TANC1: variants seen among roughly 807,000 people sequenced by gnomAD.
TANC1 encodes the protein tetratricopeptide repeat, ankyrin repeat and coiled-coil containing 1, also known as protein TANC1.
A neutral mutation model predicts 149.7 loss-of-function variants in TANC1; 77 were observed. The ratio of observed to expected loss-of-function variants is 0.51; its 90% CI spans 0.43 to 0.62. The LOEUF (loss-of-function observed/expected upper bound fraction) is 0.62, where lower values mean the gene tolerates loss of function less well. Among genes scored for constraint, TANC1 ranks in the 20% least tolerant of loss-of-function variants. The probability of loss-of-function intolerance (pLI) is 0.00; values close to 1 mark genes in which losing one functional copy is unlikely to be tolerated. For missense variants in TANC1, 1,985 were observed against 2,321.8 expected (o/e 0.85, Z 2.98); for synonymous variants, 854 against 925.0 (o/e 0.92, Z 1.39).
chr2:159,126,377 A>T (rs1042625064), intron 4 of TANC1, among the ~76,000 whole-genome samples: 3 of 152,220 alleles, frequency 2.0e-5, no homozygotes, highest in African/African-American at 7.2e-5. Flanking sequence ...TCTGAGGCTT[A>T]TTACAATCTG....
chr2:159,117,783 T>C (rs1029984240), intron 4 of TANC1, among the ~76,000 whole-genome samples: 8 of 147,204 alleles, frequency 5.4e-5, no homozygotes, highest in African/African-American at 1.8e-4. Flanking sequence ...GAGGACACCA[T>C]ATTGCATTTA....
intron 7 of TANC1, chr2:159,150,919 C>T (rs1023393378): frequency 5.4e-6 from 1 of 183,838 alleles, no homozygotes; most frequent in South Asian, 1.4e-4. Context: ...CATATTAAGA[C>T]GTCGTCTTAT....
At chr2:159,113,526 T>A (rs2150039951) in intron 4 of TANC1, among the ~76,000 whole-genome samples, 1 of 152,316 alleles carries the variant, frequency 6.6e-6, no homozygotes, top group Middle Eastern at 3.4e-3. Flanking sequence ...CTAGAATATG[T>A]TGGAAGAATG....
intron 1 of TANC1, among the ~76,000 whole-genome samples, chr2:158,975,537 C>T (rs1326020727): frequency 2.0e-5 from 3 of 151,440 alleles, no homozygotes; most frequent in Admixed American, 1.3e-4. Context: ...CAAGTAGCAC[C>T]GAGTGCAGAC....
At chr2:159,038,320 C>G (rs564909225) in intron 2 of TANC1, among the ~76,000 whole-genome samples, 2 of 152,310 alleles carry the variant, frequency 1.3e-5, no homozygotes, top group East Asian at 3.9e-4. Flanking sequence ...CTGACTTCCT[C>G]TTTTCCTAAT....
chr2:159,119,681 C>T lies in TANC1; in HGVS notation c.260-16513C>T, dbSNP rs148132321. Among the ~76,000 whole-genome samples, 553 of 152,258 alleles carry T rather than the reference C, an allele frequency of 3.6e-3. 2 individuals are homozygous for T. Among genetic ancestry groups the T allele is most frequent in the African/African-American group, 0.013 (540 of 41,540 alleles). On this transcript the variant is annotated intron_variant, in intron 4 of 26. Coordinates refer to ENST00000263635, the MANE Select transcript of TANC1 (RefSeq NM_033394.3). The stretch of plus-strand genomic sequence containing the variant: ...GTCAGATGCGGTAGCTGAGAGGTCA[C>T]GATGGCCTGGGTTGCTGCAGGGGAC...
At chr2:159,184,069 A>G (rs2150584709) in intron 14 of TANC1, among the ~76,000 whole-genome samples, 1 of 152,288 alleles carries the variant, frequency 6.6e-6, no homozygotes, top group Admixed American at 6.5e-5. Context: ...TTTAGTTCAA[A>G]TCTCTGTTCT....
At chr2:159,053,696 G>C (rs1213111417) in intron 2 of TANC1, among the ~76,000 whole-genome samples, 2 of 152,110 alleles carry the variant, frequency 1.3e-5, no homozygotes, top group African/African-American at 4.8e-5. Context: ...CAGTTTTCTG[G>C]GTTTTTCATG....
At chr2:159,187,157 C>T in intron 16 of TANC1, 133 bp downstream of exon 16, 1 of 1,048,152 alleles carries the variant, frequency 9.5e-7, no homozygotes, top group Middle Eastern at 2.9e-4. Context: ...GATGTGCTTC[C>T]CTGATCACAC....
Position 159,230,752 on chromosome 2 carries a change from G to A in TANC1, c.5326G>A (p.Gly1776Arg), listed in dbSNP as rs759932561. The stretch of plus-strand genomic sequence containing the variant: ...TGAGAAGCCCTCTCTCATGCAAGTG[G>A]GAGGATATAATAACCAAGCCAAAAC... ...NTEKPSLMQV[G>R]GYNNQAKTCS... Residue 1776 changes from glycine (G) to arginine (R), a missense_variant, in exon 27 of 27, where the codon GGA becomes AGA. By Grantham distance (125) the Gly-to-Arg change is moderately radical. Transcript: ENST00000263635. The surrounding 1 kb of genome is among the most constrained non-coding windows in gnomAD (Gnocchi z 4.4). 1.9e-6 allele frequency: 3 copies of A among 1,614,156 alleles called. No homozygotes were observed. The highest frequency in any genetic ancestry group is 2.2e-5 in the South Asian group (2 of 91,082).
chr2:159,194,300 G>A lies in TANC1; in HGVS notation c.2786G>A (p.Arg929Lys), dbSNP rs761313979. 15 of 1,614,250 alleles carry A rather than the reference G, an allele frequency of 9.3e-6. No homozygotes were observed. Among genetic ancestry groups the A allele is most frequent in the Non-Finnish European group, 1.3e-5 (15 of 1,180,050 alleles). Residue 929 changes from arginine (R) to lysine (K), a missense_variant, in exon 17 of 27, where the codon AGG (arginine) becomes AAG (lysine). Physicochemically the swap from Arg to Lys is conservative, Grantham distance 26. This residue lies in a region of TANC1 where 508 missense variants were observed against 714.2 expected (regional missense o/e 0.71). Coordinates refer to ENST00000263635, the MANE Select transcript of TANC1 (RefSeq NM_033394.3). ...TTGGGAGGGGCCAACGTGAACTACA[G>A]GACAGAAGTGTTAAATAATGCCCCA... is the stretch of plus-strand genomic sequence containing the variant. ...LILGGANVNYRTEVLNNAPIL... is the reference protein window; with the variant it reads ...LILGGANVNYKTEVLNNAPIL...
At chr2:158,995,143 C>A (rs768619550) in intron 1 of TANC1, among the ~76,000 whole-genome samples, 3 of 152,202 alleles carry the variant, frequency 2.0e-5, no homozygotes, top group Non-Finnish European at 2.9e-5. Context: ...TCTCCCCCAC[C>A]TGTTACAGTG....
chr2:159,099,746 A>T (rs2046486934), intron 4 of TANC1, among the ~76,000 whole-genome samples: 1 of 149,656 alleles, frequency 6.7e-6, no homozygotes, highest in Non-Finnish European at 1.5e-5. Context: ...TGTCTTTAAC[A>T]AGAATTGCCT....
intron 4 of TANC1, among the ~76,000 whole-genome samples, chr2:159,129,214 C>T (rs917323653): frequency 6.6e-6 from 1 of 152,042 alleles, no homozygotes; most frequent in African/African-American, 2.4e-5. Context: ...TATCTTTAAC[C>T]GAAACACTCA....
intron 2 of TANC1, among the ~76,000 whole-genome samples, chr2:159,016,851 G>A (rs2038332403): frequency 6.6e-6 from 1 of 152,120 alleles, no homozygotes; most frequent in African/African-American, 2.4e-5. Flanking sequence ...TGGGATTACA[G>A]GTGTGAGCCA....
At position 159,176,428 on chromosome 2, in the gene TANC1, T is replaced by C; in HGVS notation, c.1812T>C (p.Tyr604=). Reference sequence around the variant, plus strand: ...AAGCTGAGTTTCATAAACCTGATTATGGAGATACGCTTTCTTCATTTATTA... The same window carrying C: ...AAGCTGAGTTTCATAAACCTGATTACGGAGATACGCTTTCTTCATTTATTA... The part of the protein sequence containing the change: ...LNEAEFHKPD[Y]GDTLSSFITK... Residue 604 remains tyrosine (Y), a synonymous_variant, in exon 13 of 27, where the codon TAT becomes TAC. Coordinates refer to ENST00000263635, the MANE Select transcript of TANC1 (RefSeq NM_033394.3). The C allele has an allele frequency of 1.3e-6, 2 of 1,589,422 alleles. No homozygotes were observed. The highest frequency in any genetic ancestry group is 1.1e-5 in the South Asian group (1 of 87,362).
chr2:159,158,397 T>G lies in TANC1; in HGVS notation c.683-4886T>G, dbSNP rs541146460. 2.5e-3 allele frequency among the ~76,000 whole-genome samples: 385 copies of G among 152,134 alleles called. 2 individuals carry two copies. Among genetic ancestry groups the G allele is most frequent in the African/African-American group, 8.8e-3 (363 of 41,476 alleles). On this transcript the variant is annotated intron_variant, in intron 7 of 26. Transcript: ENST00000263635. ...AACCATGTAGAGCCCCATTCTAGGATAGAGTGGGACTTAGGGCATTCTGGG... is the reference window on the plus strand; with the variant it reads ...AACCATGTAGAGCCCCATTCTAGGAGAGAGTGGGACTTAGGGCATTCTGGG...
intron 1 of TANC1, among the ~76,000 whole-genome samples, chr2:158,991,496 G>A (rs2035620990): frequency 6.6e-6 from 1 of 152,156 alleles, no homozygotes; most frequent in African/African-American, 2.4e-5. Flanking sequence ...GCTCACGTCT[G>A]TAATCCCAGC....
At position 159,230,890 on chromosome 2, in the gene TANC1, A is replaced by G. The variant is rs1184504141; in HGVS notation, c.5464A>G (p.Thr1822Ala). 2 of 1,613,938 alleles carry G rather than the reference A, an allele frequency of 1.2e-6. No individual in the cohort carries two copies. The highest frequency in any genetic ancestry group is 1.7e-6 in the Non-Finnish European group (2 of 1,179,968). ...VHSQENRITK[T>A]VSHLYQESIS... Reference sequence around the variant, plus strand: ...CTCTCAAGAGAACAGGATAACTAAGACTGTTTCTCATCTGTACCAGGAAAG... The same window carrying G: ...CTCTCAAGAGAACAGGATAACTAAGGCTGTTTCTCATCTGTACCAGGAAAG... The change falls in exon 27 of 27, where the codon ACT becomes GCT. Residue 1822 changes from threonine to alanine, a missense_variant. Physicochemically the swap from Thr to Ala is moderately conservative, Grantham distance 58. Transcript: ENST00000263635. The surrounding 1 kb of genome is among the most constrained non-coding windows in gnomAD (Gnocchi z 4.4).
Sources: gnomAD v4.1 joint callset for allele counts (sites outside exome capture counted in the v4.1 genomes callset) on GRCh38, gnomAD v4.1.1 for gene constraint, gnomAD v4.1.1 regional missense constraint, Gnocchi (gnomAD v3.1) non-coding constraint, MANE v1.5 for transcripts, NCBI Gene and HGNC (gene_info 2026-07-23, HGNC 2026-07-21) for gene names.